The following IL1RAPL2 variants were observed in gnomAD, a reference collection of about 807,000 sequenced individuals.
The protein encoded by IL1RAPL2 is X-linked interleukin-1 receptor accessory protein-like 2.
In IL1RAPL2, 3 loss-of-function variants were observed where a neutral mutation model predicts 44.1. That is an observed-to-expected ratio of 0.07 (90% CI 0.03 to 0.18). IL1RAPL2 has a LOEUF of 0.18. Ranked by LOEUF, IL1RAPL2 falls within the 10% of genes least tolerant of loss-of-function variation. The pLI is 1.00. For synonymous variants in IL1RAPL2, 181 were observed against 178.8 expected (o/e 1.01, Z -0.10); for missense variants, 391 against 496.4 (o/e 0.79, Z 2.02).
chrX:104,707,790 T>C (rs984220228), intron 2 of IL1RAPL2, among the ~76,000 whole-genome samples: 4 of 111,987 alleles, frequency 3.6e-5, no homozygotes, highest in Non-Finnish European at 7.5e-5. Flanking sequence ...AAAGTAAATA[T>C]GTCATTTCTG....
chrX:105,214,934 C>G (rs111333423), intron 3 of IL1RAPL2, among the ~76,000 whole-genome samples: 9 of 112,158 alleles, frequency 8.0e-5, no homozygotes, highest in African/African-American at 2.9e-4. Context: ...AGACAATGTA[C>G]CAGAATCTCT....
At chrX:105,120,480 C>T (rs1448405871) in intron 2 of IL1RAPL2, among the ~76,000 whole-genome samples, 1 of 111,152 alleles carries the variant, frequency 9.0e-6, no homozygotes, top group Non-Finnish European at 1.9e-5. Context: ...TAAGATCTGG[C>T]ACTTTGGAGT....
chrX:105,478,659 G>T (rs2147773683), intron 5 of IL1RAPL2, among the ~76,000 whole-genome samples: 1 of 111,601 alleles, frequency 9.0e-6, no homozygotes, highest in African/African-American at 3.2e-5. Context: ...TTTCTTTTCT[G>T]TTATTAAACC....
intron 2 of IL1RAPL2, among the ~76,000 whole-genome samples, chrX:104,762,218 C>G (rs1285592640): frequency 9.1e-6 from 1 of 110,310 alleles, no homozygotes; most frequent in Non-Finnish European, 1.9e-5. Flanking sequence ...AGGCTGGTCT[C>G]AAACTCCTGA....
At chrX:105,610,702 T>C (rs2037329328) in intron 6 of IL1RAPL2, among the ~76,000 whole-genome samples, 1 of 111,739 alleles carries the variant, frequency 8.9e-6, no homozygotes, top group South Asian at 3.8e-4. Flanking sequence ...ATGTTTGTGG[T>C]GATACTGTTG....
At chrX:105,025,989 C>T (rs962359177) in intron 2 of IL1RAPL2, among the ~76,000 whole-genome samples, 10 of 110,738 alleles carry the variant, frequency 9.0e-5, no homozygotes, top group Non-Finnish European at 5.7e-5. Context: ...AAGATAACAA[C>T]ATTTTGAATT....
At chrX:105,127,261 T>C (rs751079062) in intron 2 of IL1RAPL2, among the ~76,000 whole-genome samples, 5 of 111,496 alleles carry the variant, frequency 4.5e-5, no homozygotes, top group Non-Finnish European at 9.5e-5. Flanking sequence ...ATTTGGAAGA[T>C]TGACAGGCTT....
At chrX:105,617,739 A>G (rs1431376817) in intron 6 of IL1RAPL2, among the ~76,000 whole-genome samples, 2 of 111,416 alleles carry the variant, frequency 1.8e-5, no homozygotes, top group African/African-American at 6.5e-5. Context: ...AGTTCTTTGA[A>G]GCTTAGTTAC....
At chrX:104,994,905 C>T (rs1048365479) in intron 2 of IL1RAPL2, among the ~76,000 whole-genome samples, 1 of 110,663 alleles carries the variant, frequency 9.0e-6, no homozygotes, top group Non-Finnish European at 1.9e-5. Flanking sequence ...ACCCAGTCAG[C>T]TGGCTGTGAT....
chrX:104,579,116 G>C (rs1223914627), intron 1 of IL1RAPL2, among the ~76,000 whole-genome samples: 2 of 111,582 alleles, frequency 1.8e-5, no homozygotes, highest in African/African-American at 6.5e-5. Flanking sequence ...ACTTGGGGTA[G>C]GGGCAGAGAA....
chrX:104,891,459 C>T (rs1193775134), intron 2 of IL1RAPL2, among the ~76,000 whole-genome samples: 2 of 111,609 alleles, frequency 1.8e-5, no homozygotes, highest in Admixed American at 9.6e-5. Flanking sequence ...TTTGTGTCCT[C>T]TTTTATTTCA....
chrX:105,695,226 G>A (rs2147534239), intron 6 of IL1RAPL2, among the ~76,000 whole-genome samples: 1 of 111,763 alleles, frequency 8.9e-6, no homozygotes, highest in Non-Finnish European at 1.9e-5. Flanking sequence ...TCTAATCATT[G>A]TAGACAAGGA....
At chrX:105,719,226 T>C (rs779262704) in intron 7 of IL1RAPL2, among the ~76,000 whole-genome samples, 8 of 111,578 alleles carry the variant, frequency 7.2e-5, no homozygotes, top group African/African-American at 2.6e-4. Flanking sequence ...AAACGAAATA[T>C]TGGCATATAC....
At chrX:104,618,155 G>A (rs1385301956) in intron 1 of IL1RAPL2, among the ~76,000 whole-genome samples, 1 of 111,661 alleles carries the variant, frequency 9.0e-6, no homozygotes, top group African/African-American at 3.3e-5. Context: ...GTTTTATATT[G>A]GGCTGTGTAG....
chrX:104,656,782 G>A (rs1446864773), intron 1 of IL1RAPL2, among the ~76,000 whole-genome samples: 1 of 111,439 alleles, frequency 9.0e-6, no homozygotes, highest in Non-Finnish European at 1.9e-5. Flanking sequence ...GGGTGTTAAA[G>A]TCTCCCATTA....
At chrX:105,423,951 G>T (rs762829327) in intron 5 of IL1RAPL2, among the ~76,000 whole-genome samples, 2 of 110,834 alleles carry the variant, frequency 1.8e-5, no homozygotes, top group Admixed American at 9.6e-5. Flanking sequence ...TCTGGAGGGG[G>T]TGCTCCTAGA....
intron 5 of IL1RAPL2, among the ~76,000 whole-genome samples, chrX:105,474,186 A>G (rs2036183262): frequency 1.8e-5 from 2 of 111,726 alleles, no homozygotes; most frequent in Admixed American, 1.9e-4. Flanking sequence ...TAATGTCACA[A>G]GGATTCAACC....
chrX:104,611,979 TGTATGTC>T (rs1240204064), intron 1 of IL1RAPL2, among the ~76,000 whole-genome samples: 1 of 111,209 alleles, frequency 9.0e-6, no homozygotes, highest in Non-Finnish European at 1.9e-5. Flanking sequence ...CTTGGCCACT[TGTATGTC>T]TTATGAGAAG....
At chrX:104,921,186 CA>C (rs1465796636) in intron 2 of IL1RAPL2, among the ~76,000 whole-genome samples, 1 of 111,546 alleles carries the variant, frequency 9.0e-6, no homozygotes, top group Non-Finnish European at 1.9e-5. Context: ...TAGTAGAGCC[CA>C]AAAGTCTTCA....
Sources: allele counts gnomAD v4.1 joint callset (sites outside exome capture counted in the v4.1 genomes callset), GRCh38; gene constraint gnomAD v4.1.1; transcripts MANE v1.5; gene names NCBI Gene and HGNC (gene_info 2026-07-23, HGNC 2026-07-21).